Variants in GAN observed in about 807,000 individuals in gnomAD.
GAN encodes epididymis secretory sperm binding protein.
In GAN, 48 loss-of-function variants were observed where a neutral mutation model predicts 71.3. The ratio of observed to expected loss-of-function variants is 0.67; its 90% CI spans 0.53 to 0.86. The LOEUF is 0.86. GAN is among the 40% of genes least tolerant of loss of function. The pLI, the probability that GAN is intolerant of heterozygous loss-of-function variation, is 0.00. For synonymous variants in GAN, 386 were observed against 276.8 expected (o/e 1.39, Z -3.92); for missense variants, 928 against 770.1 (o/e 1.21, Z -2.43).
At chr16:81,319,206 T>TTACATATATATATATA in intron 1 of GAN, among the ~76,000 whole-genome samples, 1 of 138,794 alleles carries the variant, frequency 7.2e-6, no homozygotes, top group South Asian at 2.4e-4. Flanking sequence ...TAGATATAGA[T>TTACATATATATATATA]TATATATATA....
intron 1 of GAN, among the ~76,000 whole-genome samples, chr16:81,339,318 C>T (rs2150676815): frequency 6.6e-6 from 1 of 152,312 alleles, no homozygotes; most frequent in South Asian, 2.1e-4. Context: ...TTAATCCTTT[C>T]AGCGTTGTAC....
At chr16:81,333,464 T>C (rs1357299593) in intron 1 of GAN, among the ~76,000 whole-genome samples, 2 of 152,108 alleles carry the variant, frequency 1.3e-5, no homozygotes, top group African/African-American at 2.4e-5. Flanking sequence ...GGGTAGAAAA[T>C]AGTACCGTTT....
intron 1 of GAN, among the ~76,000 whole-genome samples, chr16:81,328,094 G>A (rs1909447637): frequency 6.6e-6 from 1 of 152,164 alleles, no homozygotes; most frequent in Admixed American, 6.5e-5. Context: ...TTCAAACCTT[G>A]TCTTTTAAGA....
intron 1 of GAN, among the ~76,000 whole-genome samples, chr16:81,341,313 G>T (rs892965583): frequency 6.6e-6 from 1 of 152,042 alleles, no homozygotes; most frequent in East Asian, 1.9e-4. Context: ...GATACTCCTC[G>T]AGAAGAGCAA....
At chr16:81,355,328 A>C (rs1479443430) in intron 3 of GAN, among the ~76,000 whole-genome samples, 1 of 152,176 alleles carries the variant, frequency 6.6e-6, no homozygotes, top group African/African-American at 2.4e-5. Flanking sequence ...AATTGTGAAT[A>C]CCTTGGAGGA....
chr16:81,336,379 C>T (rs1909762169), intron 1 of GAN, among the ~76,000 whole-genome samples: 1 of 152,170 alleles, frequency 6.6e-6, no homozygotes, highest in Non-Finnish European at 1.5e-5. Context: ...GAGACAAGGC[C>T]ATCTGTTGAT....
At chr16:81,330,354 CT>C (rs752872637) in intron 1 of GAN, among the ~76,000 whole-genome samples, 8 of 152,214 alleles carry the variant, frequency 5.3e-5, no homozygotes, top group Admixed American at 6.5e-5. Flanking sequence ...CCAGAAAGCA[CT>C]GAGGAGCTCA....
chr16:81,342,343 C>G (rs61509536), intron 1 of GAN, among the ~76,000 whole-genome samples: 33,342 of 152,140 alleles, frequency 0.22, 5,468 homozygotes, highest in East Asian at 0.69. Context: ...CTTCTTAGCA[C>G]CACATTGCAC....
chr16:81,350,436 C>G (rs1831099008), intron 1 of GAN, among the ~76,000 whole-genome samples: 2 of 152,128 alleles, frequency 1.3e-5, no homozygotes. Context: ...GCGCCACCTA[C>G]TATGGAGAAT....
intron 1 of GAN, among the ~76,000 whole-genome samples, chr16:81,317,078 C>G (rs1226245236): frequency 6.6e-6 from 1 of 152,298 alleles, no homozygotes; most frequent in East Asian, 1.9e-4. Context: ...AGGCTGGTCT[C>G]GAACTCCTCA....
chr16:81,383,582 C>G lies in GAN; in HGVS notation c.*5986C>G, dbSNP rs1261783981. On this transcript the variant is annotated 3_prime_UTR_variant, in exon 11 of 11. Coordinates refer to ENST00000648994, the MANE Select transcript of GAN (RefSeq NM_022041.4). Reference sequence around the variant, plus strand: ...TTTTTTTTTTATTTTGAGATTAAAACTAATTCTTTTAAAGTCACTACTCAG... The same window carrying G: ...TTTTTTTTTTATTTTGAGATTAAAAGTAATTCTTTTAAAGTCACTACTCAG... 6.6e-6 allele frequency: 1 copy of G among 150,992 alleles called. No individual in the cohort carries two copies. The highest frequency in any genetic ancestry group is 1.5e-5 in the Non-Finnish European group (1 of 67,804). 9.4% of individuals were successfully genotyped at this position (150,992 alleles called of 1,614,324 possible). A position where few individuals can be genotyped will look rare whatever the true frequency, so the allele number is the denominator to read the frequency against.
chr16:81,385,683 C>G lies in GAN; in HGVS notation c.*8087C>G, dbSNP rs968482553. 6.6e-6 allele frequency: 1 copy of G among 152,146 alleles called. No homozygotes were observed. The highest frequency in any genetic ancestry group is 1.5e-5 in the Non-Finnish European group (1 of 68,110). The allele number at this position is 152,146 out of a possible 1,614,324, so 9.4% of individuals were successfully genotyped here. A position where few individuals can be genotyped will look rare whatever the true frequency, so the allele number is the denominator to read the frequency against. On this transcript the variant is annotated 3_prime_UTR_variant, in exon 11 of 11. Transcript: ENST00000648994. Reference sequence around the variant, plus strand: ...GGCCAAGGCTGCCTGCACTGAGTGTCCCAGGCCTTATAGCTTTCCACATTC... The same window carrying G: ...GGCCAAGGCTGCCTGCACTGAGTGTGCCAGGCCTTATAGCTTTCCACATTC...
At chr16:81,332,499 C>A (rs182272028) in intron 1 of GAN, among the ~76,000 whole-genome samples, 15 of 152,222 alleles carry the variant, frequency 9.9e-5, no homozygotes, top group African/African-American at 3.4e-4. Context: ...TGCTGTCCCC[C>A]TTCCTTGGTG....
chr16:81,352,589 C>G (rs1910335847), intron 2 of GAN, among the ~76,000 whole-genome samples: 1 of 152,192 alleles, frequency 6.6e-6, no homozygotes, highest in South Asian at 2.1e-4. Context: ...TCTGTAGGGG[C>G]TGTTTGTCTT....
At chr16:81,326,208 G>C (rs1046581221) in intron 1 of GAN, among the ~76,000 whole-genome samples, 1 of 152,180 alleles carries the variant, frequency 6.6e-6, no homozygotes, top group South Asian at 2.1e-4. Flanking sequence ...TCCGTAAGCA[G>C]AACTTTCATA....
At chr16:81,331,081 T>C (rs1364873689) in intron 1 of GAN, among the ~76,000 whole-genome samples, 1 of 152,184 alleles carries the variant, frequency 6.6e-6, no homozygotes, top group African/African-American at 2.4e-5. Flanking sequence ...GGCGCACACC[T>C]GTAGTCCCAG....
At chr16:81,346,644 G>T (rs1910128338) in intron 1 of GAN, among the ~76,000 whole-genome samples, 1 of 152,244 alleles carries the variant, frequency 6.6e-6, no homozygotes, top group African/African-American at 2.4e-5. Flanking sequence ...TGGAAAGATT[G>T]TCTTCCACGA....
intron 1 of GAN, among the ~76,000 whole-genome samples, chr16:81,335,948 G>A (rs1020808635): frequency 6.6e-6 from 1 of 152,130 alleles, no homozygotes; most frequent in Non-Finnish European, 1.5e-5. Flanking sequence ...CCCCATGCGG[G>A]TTCCTGCCCT....
In GAN at chr16:81,377,649, C is replaced by G. The variant is rs1904286536; in HGVS notation, c.*53C>G. On this transcript the variant is annotated 3_prime_UTR_variant, in exon 11 of 11. Coordinates refer to ENST00000648994, the MANE Select transcript of GAN (RefSeq NM_022041.4). ...CTGACCCAAGAGCACCATAACATAG[C>G]TCCGAAAGGGAGAGCAGAGATGGCA... The G allele has an allele frequency of 6.7e-7, 1 of 1,493,482 alleles. No individual in the cohort carries two copies. The highest frequency in any genetic ancestry group is 9.3e-7 in the Non-Finnish European group (1 of 1,070,984). The allele number at this position is 1,493,482 out of a possible 1,614,324, so 92.5% of individuals were successfully genotyped here.
Sources: allele counts gnomAD v4.1 joint callset (sites outside exome capture counted in the v4.1 genomes callset), GRCh38; gene constraint gnomAD v4.1.1; transcripts MANE v1.5; gene names NCBI Gene and HGNC (gene_info 2026-07-23, HGNC 2026-07-21).